Variants in RBM26 observed in about 807,000 individuals in gnomAD.
RBM26 encodes the protein RNA-binding protein 26.
RBM26 carries 30 observed loss-of-function variants against 123.6 expected under a neutral mutation model. That is an observed-to-expected ratio of 0.24 (90% CI 0.18 to 0.33). RBM26 has a LOEUF of 0.33. Among genes scored for constraint, RBM26 ranks in the 10% least tolerant of loss-of-function variants. The pLI, the probability that RBM26 is intolerant of heterozygous loss-of-function variation, is 1.00. For synonymous variants in RBM26, 400 were observed against 404.4 expected, an observed-to-expected ratio of 0.99 and a Z score of 0.13; for missense variants, 947 against 1,203.6, an observed-to-expected ratio of 0.79 and a Z score of 3.15.
rs1490401738 is a variant in RBM26 at position 79,359,854 on chromosome 13, C to G, written c.1418-168G>C. ...AGAAATAAATGTATAGTAGCTCCCC[C>G]TTATCCAGTTTCATTTTTACGATTT... On this transcript the variant is annotated intron_variant, in intron 9 of 21. Coordinates refer to ENST00000438737, the MANE Select transcript of RBM26 (RefSeq NM_001366735.2). Among the ~76,000 whole-genome samples the G allele has an allele frequency of 2.0e-5, 3 of 150,966 alleles. No individual in the cohort carries two copies. In the East Asian group the frequency reaches 5.8e-4, roughly 29 times the overall value.
intron 1 of RBM26, among the ~76,000 whole-genome samples, chr13:79,400,368 CCTCCGG>C (rs2078959449): frequency 6.6e-6 from 1 of 152,146 alleles, no homozygotes; most frequent in Non-Finnish European, 1.5e-5. Context: ...AACACTGCAT[CCTCCGG>C]AGTTCCTCCC....
intron 1 of RBM26, among the ~76,000 whole-genome samples, chr13:79,387,141 T>C (rs893150010): frequency 5.9e-5 from 9 of 152,148 alleles, no homozygotes; most frequent in African/African-American, 2.2e-4. Context: ...ATCTTAAGAC[T>C]AAGCAAACTA....
intron 20 of RBM26, among the ~76,000 whole-genome samples, chr13:79,331,464 C>CA (rs11452714): frequency 0.42 from 53,816 of 127,200 alleles, 11,328 homozygotes; most frequent in East Asian, 0.67. Context: ...ACTAAAAATA[C>CA]AAAAAAAAAA....
intron 1 of RBM26, among the ~76,000 whole-genome samples, chr13:79,398,982 TA>T (rs2078833385): frequency 6.6e-6 from 1 of 152,202 alleles, no homozygotes; most frequent in Admixed American, 6.5e-5. Context: ...GGAACATAGT[TA>T]AATCTTAAGA....
chr13:79,387,301 A>AT (rs397769722), intron 1 of RBM26, among the ~76,000 whole-genome samples: 3 of 151,376 alleles, frequency 2.0e-5, no homozygotes, highest in African/African-American at 4.9e-5. Context: ...ATAAAAAAAA[A>AT]TGCCTATAAT....
intron 1 of RBM26, among the ~76,000 whole-genome samples, chr13:79,393,568 A>G (rs2078286386): frequency 6.6e-6 from 1 of 152,184 alleles, no homozygotes. Flanking sequence ...CCCTACTTGT[A>G]AGAGACCTGT....
At chr13:79,378,983 G>A in intron 1 of RBM26, 76 bp from the exon 2 acceptor site, 2 of 897,880 alleles carry the variant, frequency 2.2e-6, no homozygotes, top group South Asian at 3.1e-5. Flanking sequence ...AACTGAATTA[G>A]TGAGAATAAT....
chr13:79,334,489 C>T (rs2069962883), intron 19 of RBM26, 59 bp from the exon 20 acceptor site: 3 of 916,348 alleles, frequency 3.3e-6, no homozygotes, highest in East Asian at 2.8e-5. Context: ...TCCAAAAATC[C>T]TAATGGTATT....
chr13:79,312,197 C>T (rs945448989), exon 5 of RBM26: 5 of 151,958 alleles, frequency 3.3e-5, no homozygotes, highest in Admixed American at 1.3e-4. Context: ...AAGAAGACTC[C>T]TTTGGTGTTT....
intron 18 of RBM26, among the ~76,000 whole-genome samples, chr13:79,340,796 T>G (rs2071250172): frequency 6.6e-6 from 1 of 151,936 alleles, no homozygotes; most frequent in Admixed American, 6.6e-5. Context: ...AATATCTCCA[T>G]AAGAATACCT....
rs748531934 is a variant in RBM26, at chr13:79,377,305, G to A, written c.327+74C>T. On this transcript the variant is annotated intron_variant, in intron 3 of 21. Transcript: ENST00000438737. ...CTGAGGACTCCAACACAAAGATATA[G>A]AAGATAAAAACTCAGTTTGGTTATT... 6.0e-6 allele frequency: 8 copies of A among 1,328,684 alleles called. No individual in the cohort carries two copies. The South Asian group carries it at 8.6e-5, about 14-fold the overall frequency. 82.3% of individuals were successfully genotyped at this position (1,328,684 alleles called of 1,614,324 possible). A position where few individuals can be genotyped will look rare whatever the true frequency, so the allele number is the denominator to read the frequency against.
chr13:79,392,517 A>G (rs2078182962), intron 1 of RBM26, among the ~76,000 whole-genome samples: 1 of 146,644 alleles, frequency 6.8e-6, no homozygotes, highest in Non-Finnish European at 1.5e-5. Flanking sequence ...TATTAGTTAT[A>G]TAATTATATG....
At chr13:79,362,505 T>C (rs868168839) in intron 9 of RBM26, among the ~76,000 whole-genome samples, 1 of 152,162 alleles carries the variant, frequency 6.6e-6, no homozygotes, top group African/African-American at 2.4e-5. Context: ...ACAGGGTACA[T>C]AGGCTGTATC....
downstream of RBM26, chr13:79,314,721 GT>G: frequency 4.9e-6 from 1 of 203,272 alleles, no homozygotes; most frequent in Non-Finnish European, 1.0e-5. Flanking sequence ...CCTTCTTAAG[GT>G]GTTTAAAAAA....
exon 5 of RBM26, chr13:79,312,168 A>C (rs2066913846): frequency 1.3e-5 from 2 of 152,094 alleles, no homozygotes; most frequent in South Asian, 4.1e-4. Flanking sequence ...TTAAAACTGG[A>C]ACAATCCAGT....
chr13:79,325,078 C>T (rs2068166294), intron 20 of RBM26, among the ~76,000 whole-genome samples: 1 of 152,060 alleles, frequency 6.6e-6, no homozygotes, highest in Non-Finnish European at 1.5e-5. Flanking sequence ...ACATTACTCA[C>T]ATGGTGATAC....
intron 19 of RBM26, among the ~76,000 whole-genome samples, chr13:79,334,717 C>T (rs946818768): frequency 6.6e-6 from 1 of 152,088 alleles, no homozygotes; most frequent in African/African-American, 2.4e-5. Flanking sequence ...AAAGCCTGAG[C>T]GTTCTTGCTA....
intron 1 of RBM26, among the ~76,000 whole-genome samples, chr13:79,400,737 G>A (rs1247509051): frequency 1.3e-5 from 2 of 152,118 alleles, no homozygotes; most frequent in Non-Finnish European, 2.9e-5. Flanking sequence ...TAAAAAGGTG[G>A]CATCAACACT....
intron 17 of RBM26, 79 bp from the exon 18 acceptor site, chr13:79,341,306 A>G: frequency 4.8e-6 from 4 of 839,242 alleles, no homozygotes; most frequent in Middle Eastern, 3.0e-4. Flanking sequence ...AGTAACTTTT[A>G]CGCAGTCCCA....
Sources: gnomAD v4.1 joint callset for allele counts (sites outside exome capture counted in the v4.1 genomes callset) on GRCh38, gnomAD v4.1.1 for gene constraint, MANE v1.5 for transcripts, NCBI Gene and HGNC (gene_info 2026-07-23, HGNC 2026-07-21) for gene names.